TBCK: variants seen among roughly 807,000 people sequenced by gnomAD.
TBCK encodes TBC1 domain containing kinase.
Under a neutral mutation model 113.4 loss-of-function variants are expected in TBCK, and 99 were observed. The observed-to-expected ratio is 0.87, with a 90% CI of 0.74 to 1.03. The LOEUF is 1.03. TBCK is among the 50% of genes least tolerant of loss of function. The probability of loss-of-function intolerance (pLI) is 0.00; values close to 1 mark genes in which losing one functional copy is unlikely to be tolerated. For missense variants in TBCK, 1,045 were observed against 1,061.3 expected (o/e 0.98, Z 0.21); for synonymous variants, 369 against 370.8 (o/e 1.00, Z 0.05).
chr4:106,162,752 G>C (rs891756288), intron 23 of TBCK, among the ~76,000 whole-genome samples: 2 of 152,056 alleles, frequency 1.3e-5, no homozygotes, highest in South Asian at 2.1e-4. Flanking sequence ...GAAGTCACTG[G>C]GACACAGGCG....
intron 19 of TBCK, among the ~76,000 whole-genome samples, chr4:106,226,781 T>G (rs1438016212): frequency 6.6e-6 from 1 of 152,154 alleles, no homozygotes; most frequent in Non-Finnish European, 1.5e-5. Flanking sequence ...ATCCACTCAT[T>G]TTTCTATTAA....
At chr4:106,259,070 A>C (rs1213523160) in intron 5 of TBCK, among the ~76,000 whole-genome samples, 1 of 151,958 alleles carries the variant, frequency 6.6e-6, no homozygotes, top group East Asian at 1.9e-4. Context: ...ACAGAAAGCT[A>C]TCTTATTTAT....
chr4:106,053,910 C>T (rs12513317), intron 25 of TBCK, among the ~76,000 whole-genome samples: 19,415 of 151,500 alleles, frequency 0.13, 1,564 homozygotes, highest in South Asian at 0.24. Context: ...AAAACATATT[C>T]AGAATCTGAT....
At chr4:106,069,631 GT>G (rs1015860360) in intron 25 of TBCK, among the ~76,000 whole-genome samples, 15 of 152,020 alleles carry the variant, frequency 9.9e-5, no homozygotes, top group Non-Finnish European at 1.8e-4. Context: ...AATGCCAACT[GT>G]TTTTTGGTTC....
At chr4:106,124,022 GCTT>G (rs1744814088) in intron 23 of TBCK, among the ~76,000 whole-genome samples, 1 of 150,972 alleles carries the variant, frequency 6.6e-6, no homozygotes, top group Non-Finnish European at 1.5e-5. Flanking sequence ...AAACTAAAGA[GCTT>G]CTGCACAGCA....
At chr4:106,158,446 T>C (rs1460251381) in intron 23 of TBCK, among the ~76,000 whole-genome samples, 2 of 152,112 alleles carry the variant, frequency 1.3e-5, no homozygotes, top group South Asian at 2.1e-4. Flanking sequence ...GAGTAAAATA[T>C]TGTCAGCAGA....
At chr4:106,301,183 TA>T (rs1166061579) in intron 2 of TBCK, among the ~76,000 whole-genome samples, 2 of 113,920 alleles carry the variant, frequency 1.8e-5, no homozygotes, top group Admixed American at 1.7e-4. Flanking sequence ...ATTATATATA[TA>T]ATTTGTTCTG....
In TBCK at chr4:106,232,992, T is replaced by A. The variant is rs1432767736; in HGVS notation, c.1585A>T (p.Arg529Trp). The A allele has an allele frequency of 6.2e-7, 1 of 1,612,534 alleles. No individual in the cohort carries two copies. ...LSSPEGHAKFRRVLKAWVVSH... is the reference protein window; with the variant it reads ...LSSPEGHAKFWRVLKAWVVSH... ...ACTACCCAGGCTTTTAATACACGCC[T>A]AAATTTTGCATGACCTTCTGGTGAT... Residue 529 changes from arginine (R) to tryptophan (W), a missense_variant, in exon 17 of 26, where the codon AGG (arginine) becomes TGG (tryptophan). Coordinates refer to ENST00000394708, the MANE Select transcript of TBCK (RefSeq NM_001163435.3).
At chr4:106,248,424 A>T in intron 8 of TBCK, 118 bp from the exon 9 acceptor site, 3 of 713,254 alleles carry the variant, frequency 4.2e-6, no homozygotes, top group Non-Finnish European at 6.5e-6. Context: ...TTTGTACTTT[A>T]TACAAATTTA....
chr4:106,130,632 C>T (rs2149617714), intron 23 of TBCK, among the ~76,000 whole-genome samples: 2 of 139,314 alleles, frequency 1.4e-5, no homozygotes, highest in South Asian at 4.6e-4. Flanking sequence ...ACACACACCA[C>T]ACAGAAACTG....
intron 5 of TBCK, among the ~76,000 whole-genome samples, chr4:106,259,980 C>G (rs1156669700): frequency 1.3e-5 from 2 of 151,866 alleles, no homozygotes; most frequent in African/African-American, 4.8e-5. Context: ...TTATCTCTAT[C>G]TCTAATATCC....
intron 20 of TBCK, among the ~76,000 whole-genome samples, chr4:106,204,510 A>G (rs1755228739): frequency 6.6e-6 from 1 of 152,226 alleles, no homozygotes. Flanking sequence ...CTGGCATGTT[A>G]GCACAATTTA....
rs189747743 is a variant in TBCK, at chr4:106,137,344, T to C, written c.2236-20966A>G. Among the ~76,000 whole-genome samples, 16 of 140,658 alleles carry C rather than the reference T, an allele frequency of 1.1e-4. 2 individuals are homozygous for C. The East Asian group carries it at 3.2e-3, about 28-fold the overall frequency. 92.3% of individuals were successfully genotyped at this position (140,658 alleles called of 152,430 possible). A position where few individuals can be genotyped will look rare whatever the true frequency, so the allele number is the denominator to read the frequency against. ...TTGTAAAAACATAAATTTGAGATTT[T>C]TAGGGTAATATTAATCAATTCTCAT... On this transcript the variant is annotated intron_variant, in intron 23 of 25. Transcript: ENST00000394708.
intron 24 of TBCK, among the ~76,000 whole-genome samples, chr4:106,102,613 T>G (rs2149532864): frequency 6.6e-6 from 1 of 151,480 alleles, no homozygotes; most frequent in Non-Finnish European, 1.5e-5. Context: ...ATGAAATATA[T>G]TTTTAGACAT....
chr4:106,070,249 C>T (rs1024893529), intron 25 of TBCK, among the ~76,000 whole-genome samples: 30 of 152,116 alleles, frequency 2.0e-4, no homozygotes, highest in Non-Finnish European at 4.0e-4. Flanking sequence ...CCAGTTTTAG[C>T]CCATTCAGTA....
intron 25 of TBCK, 40 bp downstream of exon 25, chr4:106,095,442 A>G: frequency 6.5e-7 from 1 of 1,549,030 alleles, no homozygotes; most frequent in Non-Finnish European, 8.8e-7. Context: ...CAGGTAAATC[A>G]CTCATCATAT....
At chr4:106,211,664 T>C (rs1756148375) in intron 20 of TBCK, among the ~76,000 whole-genome samples, 2 of 152,024 alleles carry the variant, frequency 1.3e-5, no homozygotes, top group Middle Eastern at 3.2e-3. Context: ...TCACATAATA[T>C]AGTTTTAGGA....
At chr4:106,302,941 T>G (rs1330381184) in intron 2 of TBCK, among the ~76,000 whole-genome samples, 2 of 152,224 alleles carry the variant, frequency 1.3e-5, no homozygotes, top group African/African-American at 2.4e-5. Flanking sequence ...TGAACAAAAA[T>G]TAACTCACTG....
chr4:106,068,522 C>T (rs1178386816), intron 25 of TBCK, among the ~76,000 whole-genome samples: 1 of 152,138 alleles, frequency 6.6e-6, no homozygotes, highest in Non-Finnish European at 1.5e-5. Flanking sequence ...TGTATATGTG[C>T]CACATTTTCT....
Sources: gnomAD v4.1 joint callset for allele counts (sites outside exome capture counted in the v4.1 genomes callset) on GRCh38, gnomAD v4.1.1 for gene constraint, MANE v1.5 for transcripts, NCBI Gene and HGNC (gene_info 2026-07-23, HGNC 2026-07-21) for gene names.